The following PIDD1 variants were observed in gnomAD, a reference collection of about 807,000 sequenced individuals.
PIDD1 encodes p53-induced death domain protein 1.
PIDD1 carries 72 observed loss-of-function variants against 80.0 expected under a neutral mutation model. The ratio of observed to expected loss-of-function variants is 0.90; its 90% CI spans 0.74 to 1.09. The LOEUF (loss-of-function observed/expected upper bound fraction) is 1.09, where lower values mean the gene tolerates loss of function less well. PIDD1 is among the 50% of genes least tolerant of loss of function. The probability of loss-of-function intolerance (pLI) is 0.00; values close to 1 mark genes in which losing one functional copy is unlikely to be tolerated. For synonymous variants in PIDD1, 655 were observed against 543.5 expected, an observed-to-expected ratio of 1.21 and a Z score of -2.85; for missense variants, 1,329 against 1,228.3, an observed-to-expected ratio of 1.08 and a Z score of -1.23.
chr11:799,975 G>A lies in PIDD1; in HGVS notation c.2314C>T (p.Leu772Phe). 1.2e-6 allele frequency: 2 copies of A among 1,612,824 alleles called. No homozygotes were observed. Among genetic ancestry groups the A allele is most frequent in the Non-Finnish European group, 8.5e-7 (1 of 1,179,954 alleles). Residue 772 changes from leucine to phenylalanine, a missense_variant, in exon 15 of 16, where the codon CTC becomes TTC. Transcript: ENST00000347755. ...CCCAGATTCAAGGGTGCCAAGGAGAGGCCAGCCCCCCGCCGTGGCCCCTCG... is the reference window on the plus strand; with the variant it reads ...CCCAGATTCAAGGGTGCCAAGGAGAAGCCAGCCCCCCGCCGTGGCCCCTCG... ...GSEGPRRGAG[L>F]SLAPLNLGDA... is the part of the protein sequence containing the mutation.
At chr11:800,068 T>C (rs2133754382) in intron 14 of PIDD1, 54 bp from the exon 15 acceptor site, 1 of 1,603,992 alleles carries the variant, frequency 6.2e-7, no homozygotes, top group Non-Finnish European at 8.5e-7. Flanking sequence ...AACTCCACCA[T>C]GTCACCCTGG....
upstream of PIDD1, among the ~76,000 whole-genome samples, chr11:808,421 C>CA (rs756629213): frequency 9.7e-5 from 14 of 144,742 alleles, no homozygotes; most frequent in South Asian, 2.2e-4. Context: ...TGGGACTCCT[C>CA]AGAAAAAAAG....
Position 800,025 on chromosome 11 carries a change from G to A in PIDD1, c.2275-11C>T. ...GGACCCTCGAAGTCTCTGTTGGAAG[G>A]AAAAAGTGCATTAAGCCCTGGGCTC... On this transcript the variant is annotated splice_polypyrimidine_tract_variant and intron_variant, in intron 14 of 15. Coordinates refer to ENST00000347755, the MANE Select transcript of PIDD1 (RefSeq NM_145886.4). 2 of 1,612,270 alleles carry A rather than the reference G, an allele frequency of 1.2e-6. No homozygotes were observed. Among genetic ancestry groups the A allele is most frequent in the South Asian group, 2.2e-5 (2 of 91,084 alleles).
rs764617775 is a variant in PIDD1 at position 802,336 on chromosome 11, G to T, written c.1035C>A (p.Phe345Leu). ...VTLACGVRLQ[F>L]PAGATATPIT... ...TGGGGGTGGCGGTGGCTCCCGCTGG[G>T]AACTGCAGGCGGACGCCACAGGCCA... The change falls in exon 6 of 16, where the codon TTC becomes TTA. Residue 345 changes from phenylalanine (F) to leucine (L), a missense_variant. Coordinates refer to ENST00000347755, the MANE Select transcript of PIDD1 (RefSeq NM_145886.4). 6.2e-7 allele frequency: 1 copy of T among 1,611,902 alleles called. No individual in the cohort carries two copies. The highest frequency in any genetic ancestry group is 1.7e-5 in the Admixed American group (1 of 59,876).
At chr11:804,696 C>A (rs1865657617) in intron 1 of PIDD1, 1 of 378,258 alleles carries the variant, frequency 2.6e-6, no homozygotes. Context: ...GGAGACCTCG[C>A]TATGAGCAGC....
In PIDD1 at chr11:803,196, C is replaced by T. The variant is rs369215028; in HGVS notation, c.687G>A (p.Leu229=). Residue 229 remains leucine (L), a synonymous_variant, in exon 3 of 16, where the codon CTG becomes CTA. Transcript: ENST00000347755. ...CACCCAGAGAGGCTGGGAGGCTCTG[C>T]AGCCGGTTGGAGGCCAGGTTGAGCT... ...LLELNLASNR[L]QSLPASLAGL... The T allele has an allele frequency of 4.1e-5, 66 of 1,608,038 alleles. No homozygotes were observed. Among genetic ancestry groups the T allele is most frequent in the African/African-American group, 6.7e-5 (5 of 74,860 alleles).
Position 799,735 on chromosome 11 carries a change from T to G in PIDD1, c.2474+80A>C. 2.9e-6 allele frequency: 4 copies of G among 1,387,676 alleles called. No individual in the cohort carries two copies. In the South Asian group the frequency reaches 4.4e-5, roughly 15 times the overall value. 86.0% of individuals were successfully genotyped at this position (1,387,676 alleles called of 1,614,324 possible). A position where few individuals can be genotyped will look rare whatever the true frequency, so the allele number is the denominator to read the frequency against. ...TCCCCCACCTCCCCTGGAAGAAACTTCTGTCAGAATCAGGTGGGCCCTCCA... is the reference window on the plus strand; with the variant it reads ...TCCCCCACCTCCCCTGGAAGAAACTGCTGTCAGAATCAGGTGGGCCCTCCA... On this transcript the variant is annotated intron_variant, in intron 15 of 15. Transcript: ENST00000347755.
chr11:806,708 G>A (rs147231027), upstream of PIDD1, among the ~76,000 whole-genome samples: 4,045 of 151,916 alleles, frequency 0.027, 112 homozygotes, highest in African/African-American at 0.068. Context: ...TCAGCCTCCT[G>A]AGTAGCTGGG....
In PIDD1 at chr11:804,289, C is replaced by T; in HGVS notation, c.100G>A (p.Gly34Ser). 1.9e-6 allele frequency: 3 copies of T among 1,612,938 alleles called. No homozygotes were observed. Among genetic ancestry groups the T allele is most frequent in the Non-Finnish European group, 2.5e-6 (3 of 1,179,984 alleles). ...AGGTCCAAGCTCAGCCGGTTGCCGC[C>T]CAGGAAAGGCAGCGCCCTGGACCCT... ...DAGSRALPFL[G>S]GNRLSLDLYP... The change falls in exon 2 of 16, where the codon GGC becomes AGC. Residue 34 changes from glycine (G) to serine (S), a missense_variant. By Grantham distance (56) the Gly-to-Ser change is moderately conservative. Coordinates refer to ENST00000347755, the MANE Select transcript of PIDD1 (RefSeq NM_145886.4).
Position 802,993 on chromosome 11 carries a change from C to T in PIDD1, c.710-102G>A. The T allele has an allele frequency of 2.0e-5, 22 of 1,108,612 alleles. No homozygotes were observed. In the South Asian group the frequency reaches 3.3e-4, roughly 17 times the overall value. 68.7% of individuals were successfully genotyped at this position (1,108,612 alleles called of 1,614,324 possible). A position where few individuals can be genotyped will look rare whatever the true frequency, so the allele number is the denominator to read the frequency against. ...AGCAGCTGTTTCAGACTCTCCTCCA[C>T]AGCTGGGCTCAGAGAACTCTGACAA... is the stretch of plus-strand genomic sequence containing the variant. On this transcript the variant is annotated intron_variant, in intron 3 of 15. Transcript: ENST00000347755.
In PIDD1 at chr11:800,571, G is replaced by A. The variant is rs1298388062; in HGVS notation, c.2013C>T (p.Ala671=). 2 of 1,608,612 alleles carry A rather than the reference G, an allele frequency of 1.2e-6. No homozygotes were observed. The highest frequency in any genetic ancestry group is 1.3e-5 in the African/African-American group (1 of 74,912). The change falls in exon 12 of 16, where the codon GCC becomes GCT. Residue 671 remains alanine, a synonymous_variant. Coordinates refer to ENST00000347755, the MANE Select transcript of PIDD1 (RefSeq NM_145886.4). ...CATCCACGTCGATGCCGCGCTCGAA[G>A]GCCGCAAAGAACTCTTCGCCCTCGA... ...EMFEGEEFFA[A]FERGIDVDAD...
intron 4 of PIDD1, 39 bp from the exon 5 acceptor site, chr11:802,636 G>C (rs1436666594): frequency 1.2e-6 from 2 of 1,606,340 alleles, no homozygotes; most frequent in South Asian, 2.2e-5. Context: ...ACAGTGAGGA[G>C]ACTCATGTCC....
rs779826288 is a variant in PIDD1, at chr11:800,189, G to GCAGCCT, written c.2210_2215dup (p.Glu737_Ala738dup). On this transcript the variant is annotated inframe_insertion, in exon 14 of 16. Coordinates refer to ENST00000347755, the MANE Select transcript of PIDD1 (RefSeq NM_145886.4). ...GGCGTCTGCGCCCTTCCTCTGCCGG[G>GCAGCCT]CAGCCTCAGCCTCCTCGGGCACCCG... 8.1e-6 allele frequency: 13 copies of GCAGCCT among 1,610,640 alleles called. No homozygotes were observed. The Admixed American group carries it at 1.8e-4, about 23-fold the overall frequency.
In PIDD1 at chr11:805,197, G is replaced by T. The variant is rs1280776971; in HGVS notation, c.-94C>A. On this transcript the variant is annotated 5_prime_UTR_variant, in exon 1 of 16. Transcript: ENST00000347755. ...CGCGTACCTGCGCTGCAGGCGGCGC[G>T]CAAAGGGTGGCTGCTCAGCGGGCGC... The T allele has an allele frequency of 2.2e-5, 22 of 982,794 alleles. No homozygotes were observed. Among genetic ancestry groups the T allele is most frequent in the South Asian group, 4.7e-5 (1 of 21,260 alleles). 60.9% of individuals were successfully genotyped at this position (982,794 alleles called of 1,614,324 possible). A position where few individuals can be genotyped will look rare whatever the true frequency, so the allele number is the denominator to read the frequency against.
Position 803,255 on chromosome 11 carries a change from G to A in PIDD1, c.628C>T (p.Pro210Ser), listed in dbSNP as rs1865526499. The change falls in exon 3 of 16, where the codon CCT becomes TCT. Residue 210 changes from proline to serine, a missense_variant. Pro to Ser is a moderately conservative substitution (Grantham distance 74). Transcript: ENST00000347755. The part of the protein sequence containing the change: ...DLSQNLLDTL[P>S]PEIGGLGSLL... ...CTGCCCAGGCCTCCAATCTCAGGAG[G>A]TAGCGTGTCCAGCAGATTCTGAGAG... is the stretch of plus-strand genomic sequence containing the variant. The A allele has an allele frequency of 6.2e-7, 1 of 1,613,308 alleles. No individual in the cohort carries two copies. Among genetic ancestry groups the A allele is most frequent in the Non-Finnish European group, 8.5e-7 (1 of 1,179,972 alleles).
rs1180469485 is a variant in PIDD1, at chr11:801,977, T to C, written c.1290A>G (p.Glu430=). Residue 430 remains glutamate, a synonymous_variant, in exon 7 of 16, where the codon GAA becomes GAG. Transcript: ENST00000347755. ...GGGTGGCCCTCACCTGGGGTGCCTC[T>C]TCCTCCAGGTAGGTCTCCAGGTCAC... ...SWGDLETYLE[E]EAPQRLWAHC... The C allele has an allele frequency of 1.9e-6, 3 of 1,602,498 alleles. No homozygotes were observed. The African/African-American group carries it at 4.0e-5, about 21-fold the overall frequency.
At position 803,595 on chromosome 11, in the gene PIDD1, G is replaced by C; in HGVS notation, c.296-8C>G. ...TGTCCCGGCGTTGCCCTCCTGGGAAGGGGGGAGGCGGATGTGGCCCTCAGA... is the reference window on the plus strand; with the variant it reads ...TGTCCCGGCGTTGCCCTCCTGGGAACGGGGGAGGCGGATGTGGCCCTCAGA... On this transcript the variant is annotated splice_region_variant and splice_polypyrimidine_tract_variant and intron_variant, in intron 2 of 15. Coordinates refer to ENST00000347755, the MANE Select transcript of PIDD1 (RefSeq NM_145886.4). 6.3e-7 allele frequency: 1 copy of C among 1,597,968 alleles called. No individual in the cohort carries two copies. The highest frequency in any genetic ancestry group is 1.1e-5 in the South Asian group (1 of 89,650).
chr11:803,793 G>A (rs1865576011), intron 2 of PIDD1: 2 of 649,086 alleles, frequency 3.1e-6, no homozygotes, highest in Non-Finnish European at 5.3e-6. Context: ...GCTCATCTCA[G>A]CTGACAACCA....
Position 801,334 on chromosome 11 carries a change from G to A in PIDD1, c.1514C>T (p.Ala505Val). 1.2e-6 allele frequency: 2 copies of A among 1,608,694 alleles called. No individual in the cohort carries two copies. The highest frequency in any genetic ancestry group is 1.1e-5 in the South Asian group (1 of 90,642). ...TGCAGCCTCTGGTTCTCCCAGGAGG[G>A]CCTGCAGCTCTCGGCCAGCCATGCG... ...VVRMAGRELQ[A>V]LLGEPEAAVS... The change falls in exon 9 of 16, where the codon GCC becomes GTC. Residue 505 changes from alanine (A) to valine (V), a missense_variant. Physicochemically the swap from Ala to Val is moderately conservative, Grantham distance 64 (BLOSUM62 0). Transcript: ENST00000347755.
Sources: allele counts gnomAD v4.1 joint callset (sites outside exome capture counted in the v4.1 genomes callset), GRCh38; gene constraint gnomAD v4.1.1; transcripts MANE v1.5; gene names NCBI Gene and HGNC (gene_info 2026-07-23, HGNC 2026-07-21).